The following NOS1AP variants were observed in gnomAD, a reference collection of about 807,000 sequenced individuals.
The protein encoded by NOS1AP is nitric oxide synthase 1 adaptor protein.
Under a neutral mutation model 56.2 loss-of-function variants are expected in NOS1AP, and 21 were observed. That is an observed-to-expected ratio of 0.37 (90% CI 0.26 to 0.54). NOS1AP has a LOEUF of 0.54. Among genes scored for constraint, NOS1AP ranks in the 20% least tolerant of loss-of-function variants. The pLI, the probability that NOS1AP is intolerant of heterozygous loss-of-function variation, is 0.84. For synonymous variants in NOS1AP, 270 were observed against 274.6 expected (o/e 0.98, Z 0.17); for missense variants, 522 against 657.8 (o/e 0.79, Z 2.26).
At chr1:162,203,179 A>G (rs1359528613) in intron 2 of NOS1AP, among the ~76,000 whole-genome samples, 1 of 152,164 alleles carries the variant, frequency 6.6e-6, no homozygotes, top group Non-Finnish European at 1.5e-5. Flanking sequence ...TTCCCTATGA[A>G]ATCTCTTATT....
intron 4 of NOS1AP, among the ~76,000 whole-genome samples, chr1:162,304,409 A>G (rs1464510755): frequency 6.6e-6 from 1 of 152,216 alleles, no homozygotes; most frequent in Non-Finnish European, 1.5e-5. Context: ...TGATTACCAT[A>G]GTTTAATAAT....
chr1:162,238,233 G>A (rs1048506660), intron 2 of NOS1AP, among the ~76,000 whole-genome samples: 4 of 152,100 alleles, frequency 2.6e-5, no homozygotes, highest in Admixed American at 6.5e-5. Flanking sequence ...GTATGAATAA[G>A]AGAAAGGTGT....
chr1:162,191,104 CA>C (rs1235726065), intron 2 of NOS1AP, among the ~76,000 whole-genome samples: 2 of 152,164 alleles, frequency 1.3e-5, no homozygotes, highest in African/African-American at 4.8e-5. Flanking sequence ...CCTGGTCCAC[CA>C]CCGTCTAACA....
intron 1 of NOS1AP, among the ~76,000 whole-genome samples, chr1:162,093,966 C>T (rs947277075): frequency 1.3e-5 from 2 of 152,208 alleles, no homozygotes; most frequent in Admixed American, 6.5e-5. Context: ...TGATTTTGAC[C>T]AAGAAGATGG....
At chr1:162,116,616 C>G (rs1250140985) in intron 1 of NOS1AP, among the ~76,000 whole-genome samples, 2 of 152,180 alleles carry the variant, frequency 1.3e-5, no homozygotes, top group African/African-American at 4.8e-5. Context: ...TTAGGGACAA[C>G]TGTGGATGCA....
chr1:162,216,351 A>C (rs187168994), intron 2 of NOS1AP, among the ~76,000 whole-genome samples: 1 of 152,362 alleles, frequency 6.6e-6, no homozygotes, highest in African/African-American at 2.4e-5. Context: ...ATTAGGATCC[A>C]TGCCCATGTA....
intron 1 of NOS1AP, among the ~76,000 whole-genome samples, chr1:162,134,485 T>TA (rs66940059): frequency 0.29 from 26,402 of 91,810 alleles, 3,304 homozygotes; most frequent in South Asian, 0.59. Context: ...AGACTTTGTC[T>TA]AAAAAAAAAA....
At chr1:162,336,808 T>C (rs947420596) in intron 5 of NOS1AP, among the ~76,000 whole-genome samples, 3 of 152,164 alleles carry the variant, frequency 2.0e-5, no homozygotes, top group Non-Finnish European at 4.4e-5. Flanking sequence ...GTGCTGATTG[T>C]TGTGTGTGAA....
chr1:162,105,277 C>T (rs1558100629), intron 1 of NOS1AP, among the ~76,000 whole-genome samples: 1 of 152,214 alleles, frequency 6.6e-6, no homozygotes, highest in Admixed American at 6.5e-5. Flanking sequence ...GCTCCTTCCT[C>T]TGGAAGCTCT....
chr1:162,272,861 T>C (rs1198276177), intron 2 of NOS1AP, among the ~76,000 whole-genome samples: 1 of 152,200 alleles, frequency 6.6e-6, no homozygotes, highest in African/African-American at 2.4e-5. Context: ...CCCCAGAGCC[T>C]ACAGAGACGT....
intron 1 of NOS1AP, among the ~76,000 whole-genome samples, chr1:162,149,171 G>GGAGTGCTGTTTCAAAGT (rs1649603045): frequency 6.6e-6 from 1 of 152,240 alleles, no homozygotes; most frequent in Admixed American, 6.5e-5. Flanking sequence ...GCAGATAAAA[G>GGAGTGCTGTTTCAAAGT]GAGTGCTGTT....
chr1:162,075,506 C>T (rs951428818), intron 1 of NOS1AP, among the ~76,000 whole-genome samples: 7 of 152,142 alleles, frequency 4.6e-5, no homozygotes, highest in African/African-American at 1.7e-4. Flanking sequence ...ATTTGGTCAC[C>T]GTAAATGGGG....
intron 1 of NOS1AP, among the ~76,000 whole-genome samples, chr1:162,122,607 A>G (rs1416485166): frequency 6.6e-6 from 1 of 151,562 alleles, no homozygotes; most frequent in African/African-American, 2.4e-5. Context: ...TCCCAGGCTC[A>G]AGTGATCCTC....
At chr1:162,081,765 T>TAGATATAG (rs1384111590) in intron 1 of NOS1AP, among the ~76,000 whole-genome samples, 1 of 37,062 alleles carries the variant, frequency 2.7e-5, no homozygotes, top group East Asian at 6.9e-4. Context: ...GATATATATA[T>TAGATATAG]ATATATATAT....
At chr1:162,334,239 C>A (rs1377780473) in intron 5 of NOS1AP, among the ~76,000 whole-genome samples, 3 of 152,188 alleles carry the variant, frequency 2.0e-5, no homozygotes, top group African/African-American at 7.2e-5. Context: ...GTGCCCTTAA[C>A]CACCCTGTTC....
chr1:162,271,316 A>G (rs1420363749), intron 2 of NOS1AP, among the ~76,000 whole-genome samples: 1 of 144,678 alleles, frequency 6.9e-6, no homozygotes, highest in Non-Finnish European at 1.5e-5. Context: ...TTGGGATACT[A>G]CCCAGAAGTC....
At chr1:162,313,186 C>G (rs1460160409) in intron 4 of NOS1AP, among the ~76,000 whole-genome samples, 1 of 152,154 alleles carries the variant, frequency 6.6e-6, no homozygotes, top group Non-Finnish European at 1.5e-5. Context: ...TCTCCCATGC[C>G]CTCAAGGATC....
chr1:162,235,647 C>T (rs1653267035), intron 2 of NOS1AP, among the ~76,000 whole-genome samples: 1 of 152,036 alleles, frequency 6.6e-6, no homozygotes, highest in South Asian at 2.1e-4. Context: ...TAATTAAAAC[C>T]AGGCCTGTGT....
intron 2 of NOS1AP, among the ~76,000 whole-genome samples, chr1:162,253,653 C>T (rs1187138759): frequency 6.6e-6 from 1 of 152,208 alleles, no homozygotes; most frequent in Non-Finnish European, 1.5e-5. Context: ...TTGTCCTTGA[C>T]TTCTGTGATG....
Sources: gnomAD v4.1 joint callset for allele counts (sites outside exome capture counted in the v4.1 genomes callset) on GRCh38, gnomAD v4.1.1 for gene constraint, MANE v1.5 for transcripts, NCBI Gene and HGNC (gene_info 2026-07-23, HGNC 2026-07-21) for gene names.